The following CDH18 variants were observed in gnomAD, a reference collection of about 807,000 sequenced individuals.
CDH18 encodes the protein cadherin 18, also known as cadherin-18.
A neutral mutation model predicts 67.9 loss-of-function variants in CDH18; 31 were observed. The observed-to-expected ratio is 0.46, with a 90% CI of 0.34 to 0.62. CDH18 has a LOEUF of 0.62. CDH18 is among the 20% of genes least tolerant of loss of function. The probability of loss-of-function intolerance (pLI) is 0.01; values close to 1 mark genes in which losing one functional copy is unlikely to be tolerated. For synonymous variants in CDH18, 362 were observed against 347.2 expected, an observed-to-expected ratio of 1.04 and a Z score of -0.48; for missense variants, 890 against 975.5, an observed-to-expected ratio of 0.91 and a Z score of 1.17.
chr5:20,062,683 T>C (rs1474490724), intron 2 of CDH18, among the ~76,000 whole-genome samples: 2 of 152,126 alleles, frequency 1.3e-5, no homozygotes, highest in East Asian at 3.9e-4. Flanking sequence ...GGAACAACTG[T>C]CAAAAGAGAG....
intron 2 of CDH18, among the ~76,000 whole-genome samples, chr5:19,850,883 C>T (rs1319536889): frequency 6.6e-6 from 1 of 151,810 alleles, no homozygotes; most frequent in Non-Finnish European, 1.5e-5. Context: ...ATATCCAGTT[C>T]TTACATCATC....
At chr5:20,157,831 G>A (rs955591595) in intron 2 of CDH18, among the ~76,000 whole-genome samples, 1 of 151,758 alleles carries the variant, frequency 6.6e-6, no homozygotes, top group Non-Finnish European at 1.5e-5. Context: ...TAGTAGAGAT[G>A]GGGTTTCACC....
At chr5:19,555,023 G>A (rs1206018452) in intron 8 of CDH18, among the ~76,000 whole-genome samples, 1 of 152,142 alleles carries the variant, frequency 6.6e-6, no homozygotes, top group Non-Finnish European at 1.5e-5. Context: ...TAATATAACT[G>A]TGACACAACA....
chr5:20,506,357 C>G (rs1754657863), intron 1 of CDH18, among the ~76,000 whole-genome samples: 1 of 152,214 alleles, frequency 6.6e-6, no homozygotes, highest in African/African-American at 2.4e-5. Context: ...TAGTGCCTAT[C>G]TTGCCAGAGT....
intron 2 of CDH18, among the ~76,000 whole-genome samples, chr5:19,885,752 C>T (rs1026202132): frequency 6.6e-6 from 1 of 152,116 alleles, no homozygotes; most frequent in African/African-American, 2.4e-5. Flanking sequence ...AAATGTAAAA[C>T]AATGCAGCTC....
intron 1 of CDH18, among the ~76,000 whole-genome samples, chr5:20,487,440 G>A (rs911234444): frequency 6.7e-6 from 1 of 148,328 alleles, no homozygotes; most frequent in African/African-American, 2.5e-5. Flanking sequence ...AAATATAATC[G>A]GGCTACATCA....
chr5:19,851,358 A>T (rs1783666299), intron 2 of CDH18, among the ~76,000 whole-genome samples: 2 of 150,588 alleles, frequency 1.3e-5, no homozygotes, highest in South Asian at 4.2e-4. Flanking sequence ...ATTATAAAAA[A>T]TTTACCAGTT....
chr5:20,095,341 A>C (rs1191819408), intron 2 of CDH18, among the ~76,000 whole-genome samples: 2 of 140,164 alleles, frequency 1.4e-5, no homozygotes, highest in African/African-American at 5.2e-5. Flanking sequence ...GAAAGAAAGA[A>C]AGAAAGAAAG....
chr5:19,613,223 C>A (rs1476763326), intron 5 of CDH18, among the ~76,000 whole-genome samples: 1 of 152,090 alleles, frequency 6.6e-6, no homozygotes, highest in Non-Finnish European at 1.5e-5. Context: ...GTGTGCTGAA[C>A]ATTTTACAAT....
At chr5:19,892,640 A>T (rs1283551080) in intron 2 of CDH18, among the ~76,000 whole-genome samples, 1 of 151,688 alleles carries the variant, frequency 6.6e-6, no homozygotes, top group Admixed American at 6.6e-5. Context: ...ACTTCCAAAA[A>T]CTCTTCACCT....
intron 2 of CDH18, among the ~76,000 whole-genome samples, chr5:20,128,640 G>T (rs894444687): frequency 6.6e-6 from 1 of 152,058 alleles, no homozygotes; most frequent in Non-Finnish European, 1.5e-5. Context: ...GAACAGTTGA[G>T]TTTGTCAGCT....
intron 6 of CDH18, among the ~76,000 whole-genome samples, chr5:19,611,946 A>ATGTGTGTG (rs1393076453): frequency 9.2e-5 from 5 of 54,484 alleles, no homozygotes; most frequent in Non-Finnish European, 1.3e-4. Context: ...CTTTTGGATG[A>ATGTGTGTG]TGCGTGTGTG....
chr5:19,695,121 G>A (rs977021755), intron 5 of CDH18, among the ~76,000 whole-genome samples: 9 of 152,044 alleles, frequency 5.9e-5, no homozygotes, highest in African/African-American at 1.9e-4. Flanking sequence ...TGTGCACCAA[G>A]TGCATGCCTG....
At chr5:19,807,388 CATT>C (rs1214387815) in intron 3 of CDH18, among the ~76,000 whole-genome samples, 1 of 152,176 alleles carries the variant, frequency 6.6e-6, no homozygotes, top group African/African-American at 2.4e-5. Flanking sequence ...GAACCATCAT[CATT>C]GACTGAAACA....
chr5:20,223,823 G>T (rs1405910095), intron 2 of CDH18, among the ~76,000 whole-genome samples: 1 of 152,070 alleles, frequency 6.6e-6, no homozygotes, highest in South Asian at 2.1e-4. Flanking sequence ...CAGGTAAAAC[G>T]TGACTTTGCT....
chr5:19,491,198 G>A (rs752302560), intron 11 of CDH18, among the ~76,000 whole-genome samples: 6 of 152,110 alleles, frequency 3.9e-5, no homozygotes, highest in Non-Finnish European at 7.4e-5. Context: ...TTCCAACCTC[G>A]TCCCTGACCT....
chr5:20,516,104 A>G (rs1274870080), intron 1 of CDH18, among the ~76,000 whole-genome samples: 1 of 152,026 alleles, frequency 6.6e-6, no homozygotes, highest in Non-Finnish European at 1.5e-5. Flanking sequence ...ATAAAGTTAT[A>G]TATCTGATAA....
chr5:20,409,168 A>G (rs935758890), intron 1 of CDH18, among the ~76,000 whole-genome samples: 2 of 151,858 alleles, frequency 1.3e-5, no homozygotes, highest in African/African-American at 4.8e-5. Context: ...TATAGAGCGA[A>G]TGAACCTAAC....
Position 20,493,356 on chromosome 5 carries a change from T to TAAAAAAAAAAAA in CDH18, c.-580+82094_-580+82105dup, listed in dbSNP as rs148292031. Among the ~76,000 whole-genome samples, 87 of 47,212 alleles carry TAAAAAAAAAAAA rather than the reference T, an allele frequency of 1.8e-3. 1 individual carries two copies. The highest frequency in any genetic ancestry group is 4.1e-3 in the East Asian group (4 of 978). The allele number at this position is 47,212 out of a possible 152,430, so 31.0% of individuals were successfully genotyped here. A position where few individuals can be genotyped will look rare whatever the true frequency, so the allele number is the denominator to read the frequency against. On this transcript the variant is annotated intron_variant, in intron 1 of 14. Coordinates refer to the CDH18 transcript ENST00000507958. The stretch of plus-strand genomic sequence containing the variant: ...AGGGCAAGACTCTGTTTCAGAAAAT[T>TAAAAAAAAAAAA]AAAAAAAAAAAAAAAAAAAAAAAAA...
Sources: allele counts gnomAD v4.1 joint callset (sites outside exome capture counted in the v4.1 genomes callset), GRCh38; gene constraint gnomAD v4.1.1; transcripts MANE v1.5; gene names NCBI Gene and HGNC (gene_info 2026-07-23, HGNC 2026-07-21).